Variants in SPMAP2L observed in about 807,000 individuals in gnomAD.
SPMAP2L encodes sperm microtubule associated protein 2-like.
At chr4:56,550,332 A>G in the SPMAP2L span, among the ~76,000 whole-genome samples, 1 of 152,236 alleles carries the variant, frequency 6.6e-6, no homozygotes, top group South Asian at 2.1e-4. Flanking sequence ...TTATTCAGGC[A>G]GCAAATACTA....
chr4:56,564,050 C>T, the SPMAP2L span, among the ~76,000 whole-genome samples: 1 of 151,848 alleles, frequency 6.6e-6, no homozygotes, highest in Non-Finnish European at 1.5e-5. Context: ...TAGGGCTATT[C>T]AGATGACCTG....
At chr4:56,559,714 C>T in the SPMAP2L span, among the ~76,000 whole-genome samples, 3 of 152,116 alleles carry the variant, frequency 2.0e-5, no homozygotes. Context: ...ATTACAGTCA[C>T]ACACCACCAC....
At chr4:56,548,815 A>T in the SPMAP2L span, 1 of 1,487,290 alleles carries the variant, frequency 6.7e-7, no homozygotes, top group Non-Finnish European at 8.9e-7. Context: ...GTGACTTTGT[A>T]AGGAAATGGT....
chr4:56,576,944 A>G, the SPMAP2L span, among the ~76,000 whole-genome samples: 1,039 of 152,320 alleles, frequency 6.8e-3, 14 homozygotes, highest in African/African-American at 0.024. Flanking sequence ...TGCTGCTTGA[A>G]CATACATGTA....
At chr4:56,619,682 G>T in the SPMAP2L span, among the ~76,000 whole-genome samples, 1 of 151,906 alleles carries the variant, frequency 6.6e-6, no homozygotes, top group Admixed American at 6.6e-5. Flanking sequence ...ACAATATAAC[G>T]TCAAAAGCAT....
the SPMAP2L span, among the ~76,000 whole-genome samples, chr4:56,532,813 T>C: frequency 0.089 from 13,553 of 152,174 alleles, 746 homozygotes; most frequent in East Asian, 0.26. Context: ...AGTTCTCTGA[T>C]CTCCTCACTT....
chr4:56,602,522 G>A, the SPMAP2L span, among the ~76,000 whole-genome samples: 15 of 152,096 alleles, frequency 9.9e-5, no homozygotes, highest in Middle Eastern at 3.4e-3. Context: ...GTGAAACCCC[G>A]TCTGTACTAA....
the SPMAP2L span, among the ~76,000 whole-genome samples, chr4:56,592,159 A>G: frequency 6.6e-6 from 1 of 152,294 alleles, no homozygotes; most frequent in East Asian, 1.9e-4. Context: ...CTGTGCATGC[A>G]AAGGATCTAG....
chr4:56,599,956 G>T, the SPMAP2L span, among the ~76,000 whole-genome samples: 1 of 152,188 alleles, frequency 6.6e-6, no homozygotes. Flanking sequence ...ACCACAATGA[G>T]ATACCATCTC....
chr4:56,578,345 A>T, the SPMAP2L span, among the ~76,000 whole-genome samples: 12 of 152,174 alleles, frequency 7.9e-5, no homozygotes, highest in African/African-American at 2.4e-4. Flanking sequence ...AATAATTTTT[A>T]AAATGTAATA....
At chr4:56,544,812 C>G in the SPMAP2L span, among the ~76,000 whole-genome samples, 697 of 152,298 alleles carry the variant, frequency 4.6e-3, 17 homozygotes, top group Admixed American at 0.039. Context: ...GTTCCAGACC[C>G]GCTTGTGGAC....
chr4:56,600,043 T>A, the SPMAP2L span, among the ~76,000 whole-genome samples: 2 of 151,924 alleles, frequency 1.3e-5, no homozygotes, highest in Admixed American at 1.3e-4. Flanking sequence ...ATAGGAATGC[T>A]TTTACACTGT....
the SPMAP2L span, chr4:56,595,367 T>C: frequency 2.5e-6 from 4 of 1,604,298 alleles, no homozygotes; most frequent in East Asian, 4.5e-5. Context: ...GGGACCCTCA[T>C]GGTTGAGCCC....
chr4:56,530,850 C>G, the SPMAP2L span: 420 of 1,534,856 alleles, frequency 2.7e-4, 2 homozygotes, highest in Middle Eastern at 1.3e-3. Flanking sequence ...ACGAGAATCC[C>G]GAGGAACCCG....
the SPMAP2L span, among the ~76,000 whole-genome samples, chr4:56,540,604 A>G: frequency 1.3e-5 from 2 of 152,174 alleles, no homozygotes; most frequent in African/African-American, 2.4e-5. Flanking sequence ...GAAAGAAAGA[A>G]AGAGAGAGAA....
chr4:56,593,792 A>G, the SPMAP2L span: 1 of 1,594,494 alleles, frequency 6.3e-7, no homozygotes, highest in Non-Finnish European at 8.6e-7. Context: ...CATGGCTACC[A>G]GCAACATCTG....
At chr4:56,533,598 C>G in the SPMAP2L span, among the ~76,000 whole-genome samples, 3 of 152,120 alleles carry the variant, frequency 2.0e-5, no homozygotes, top group African/African-American at 4.8e-5. Context: ...AAATTAGCCT[C>G]TCTCTCCTGC....
At chr4:56,607,703 G>A in the SPMAP2L span, among the ~76,000 whole-genome samples, 1 of 152,130 alleles carries the variant, frequency 6.6e-6, no homozygotes, top group African/African-American at 2.4e-5. Flanking sequence ...AATATGGACA[G>A]TAACCTGGGC....
At chr4:56,605,593 A>T in the SPMAP2L span, among the ~76,000 whole-genome samples, 1 of 152,078 alleles carries the variant, frequency 6.6e-6, no homozygotes. Flanking sequence ...TAAATCACCT[A>T]GCCTTGCTTT....
Sources: gnomAD v4.1 joint callset for allele counts (sites outside exome capture counted in the v4.1 genomes callset) on GRCh38, gnomAD v4.1.1 for gene constraint, MANE v1.5 for transcripts, NCBI Gene and HGNC (gene_info 2026-07-23, HGNC 2026-07-21) for gene names.